Variants in DYSF observed in about 807,000 individuals in gnomAD.
DYSF encodes dysferlin, also known as dystrophy-associated fer-1-like 1.
Under a neutral mutation model 274.9 loss-of-function variants are expected in DYSF, and 212 were observed. That is an observed-to-expected ratio of 0.77 (90% CI 0.69 to 0.86). The LOEUF is 0.86. DYSF is among the 40% of genes least tolerant of loss of function. The probability of loss-of-function intolerance (pLI) is 0.00; values close to 1 mark genes in which losing one functional copy is unlikely to be tolerated. For missense variants in DYSF, 2,666 were observed against 2,783.2 expected, an observed-to-expected ratio of 0.96 and a Z score of 0.95; for synonymous variants, 1,091 against 1,078.7, an observed-to-expected ratio of 1.01 and a Z score of -0.22.
intron 40 of DYSF, among the ~76,000 whole-genome samples, 182 bp downstream of exon 40, chr2:71,613,592 G>T (rs147744494): frequency 3.3e-5 from 5 of 152,214 alleles, no homozygotes; most frequent in Admixed American, 2.0e-4. Context: ...CTGGCTGAGG[G>T]GGGTGGGGTG....
rs184517163 is a variant in DYSF at position 71,493,455 on chromosome 2, A to G, written c.240-9759A>G. ...TGTTCCTCATTTGGGATGTCAGCCT[A>G]AATAACGAACAGAGAAAAAAGATAT... On this transcript the variant is annotated intron_variant, in intron 3 of 55. Transcript: ENST00000410020. Among the ~76,000 whole-genome samples the G allele has an allele frequency of 4.4e-3, 674 of 152,318 alleles. 4 individuals carry two copies. The highest frequency in any genetic ancestry group is 0.015 in the African/African-American group (631 of 41,568).
At chr2:71,662,490 GTGTGTA>G (rs2094901545) in intron 45 of DYSF, among the ~76,000 whole-genome samples, 1 of 142,394 alleles carries the variant, frequency 7.0e-6, no homozygotes, top group Non-Finnish European at 1.5e-5. Context: ...GTATGTATTT[GTGTGTA>G]TGTGTGTGTA....
upstream of DYSF, among the ~76,000 whole-genome samples, chr2:71,465,376 C>G (rs1423398682): frequency 6.6e-6 from 1 of 152,152 alleles, no homozygotes; most frequent in Non-Finnish European, 1.5e-5. Flanking sequence ...AAGAAGTTCT[C>G]TGCTCCGTAA....
At chr2:71,477,872 C>G (rs2082521539) in intron 1 of DYSF, among the ~76,000 whole-genome samples, 1 of 152,114 alleles carries the variant, frequency 6.6e-6, no homozygotes, top group African/African-American at 2.4e-5. Context: ...TTAAAATAGG[C>G]CTCCCTTTCC....
rs368724695 is a variant in DYSF, at chr2:71,526,360, G to A, written c.1276+14G>A. ...ACTTGCCGCAGAGTGCGTGGGGCGC[G>A]CCCTTGGGTGGGAGGTCTGCAGGAG... On this transcript the variant is annotated intron_variant, in intron 13 of 55. Transcript: ENST00000410020. 60 of 1,555,168 alleles carry A rather than the reference G, an allele frequency of 3.9e-5. No homozygotes were observed. Among genetic ancestry groups the A allele is most frequent in the African/African-American group, 1.5e-4 (11 of 72,768 alleles).
intron 4 of DYSF, among the ~76,000 whole-genome samples, chr2:71,508,347 C>G (rs61616866): frequency 6.6e-6 from 1 of 152,126 alleles, no homozygotes; most frequent in Non-Finnish European, 1.5e-5. Context: ...ACAGCACTCT[C>G]GTCTAATCCC....
chr2:71,626,243 T>G (rs1008674384), intron 41 of DYSF, among the ~76,000 whole-genome samples: 3 of 151,896 alleles, frequency 2.0e-5, no homozygotes, highest in Non-Finnish European at 2.9e-5. Flanking sequence ...GTTTTTATGT[T>G]TTACCACTGA....
chr2:71,485,888 A>G (rs2083319272), intron 3 of DYSF, among the ~76,000 whole-genome samples: 2 of 152,130 alleles, frequency 1.3e-5, no homozygotes, highest in East Asian at 1.9e-4. Context: ...TTCTTGGCTC[A>G]CTGCAACCTC....
chr2:71,637,059 A>G (rs1330079782), intron 41 of DYSF, among the ~76,000 whole-genome samples: 2 of 152,202 alleles, frequency 1.3e-5, no homozygotes, highest in Non-Finnish European at 2.9e-5. Flanking sequence ...ATTAGAGACA[A>G]TAAGTGTGGA....
At chr2:71,477,212 C>T (rs2082461978) in intron 1 of DYSF, among the ~76,000 whole-genome samples, 1 of 151,946 alleles carries the variant, frequency 6.6e-6, no homozygotes, top group South Asian at 2.1e-4. Flanking sequence ...GGGAAAGTGA[C>T]AGGAGGGTTT....
rs1358393952 is a variant in DYSF at position 71,569,800 on chromosome 2, T to G, written c.2865-20T>G. On this transcript the variant is annotated intron_variant, in intron 26 of 55. Coordinates refer to ENST00000410020, the MANE Select transcript of DYSF (RefSeq NM_001130987.2). ...CTCTCCAGCAGAGCAGCAGAGACTCTGACCAGCCCTCCTCCACAGTCTGCT... is the reference window on the plus strand; with the variant it reads ...CTCTCCAGCAGAGCAGCAGAGACTCGGACCAGCCCTCCTCCACAGTCTGCT... 9.3e-6 allele frequency: 15 copies of G among 1,607,622 alleles called. No homozygotes were observed. Among genetic ancestry groups the G allele is most frequent in the Non-Finnish European group, 1.3e-5 (15 of 1,175,192 alleles).
chr2:71,490,723 T>C (rs1449654097), intron 3 of DYSF, among the ~76,000 whole-genome samples: 1 of 152,256 alleles, frequency 6.6e-6, no homozygotes, highest in Non-Finnish European at 1.5e-5. Context: ...AATTATGCTA[T>C]ATGTATTGGT....
intron 42 of DYSF, among the ~76,000 whole-genome samples, chr2:71,652,165 T>G (rs2094676215): frequency 1.3e-5 from 2 of 152,312 alleles, no homozygotes; most frequent in South Asian, 4.1e-4. Flanking sequence ...ACTCTGTGAC[T>G]CAATATAGGT....
At chr2:71,682,163 G>A (rs1169368537) in intron 54 of DYSF, among the ~76,000 whole-genome samples, 1 of 152,042 alleles carries the variant, frequency 6.6e-6, no homozygotes, top group Non-Finnish European at 1.5e-5. Context: ...CGGTGGGCTG[G>A]AGAGCACTTT....
intron 32 of DYSF, among the ~76,000 whole-genome samples, chr2:71,593,058 T>G (rs1337687925): frequency 1.3e-5 from 2 of 152,100 alleles, no homozygotes; most frequent in Non-Finnish European, 2.9e-5. Flanking sequence ...TGTGTGTTTA[T>G]TAATGTGTGT....
chr2:71,553,747 ACC>A, intron 20 of DYSF, 58 bp from the exon 21 acceptor site: 1 of 872,682 alleles, frequency 1.1e-6, no homozygotes. Context: ...CACTCTTAGC[ACC>A]CCATCCCACC....
intron 40 of DYSF, among the ~76,000 whole-genome samples, chr2:71,618,395 G>T (rs2093982215): frequency 8.1e-6 from 1 of 123,432 alleles, no homozygotes; most frequent in Non-Finnish European, 1.8e-5. Flanking sequence ...GGTGGTGTGT[G>T]TGTGTGTGGT....
At chr2:71,570,554 G>T (rs771489612) in intron 28 of DYSF, 45 bp from the exon 29 acceptor site, 2 of 1,607,538 alleles carry the variant, frequency 1.2e-6, no homozygotes, top group African/African-American at 2.7e-5. Flanking sequence ...CAGGAGAGAT[G>T]GGGGGAACTG....
At position 71,665,241 on chromosome 2, in the gene DYSF, G is replaced by T; in HGVS notation, c.5254G>T (p.Ala1752Ser). The T allele has an allele frequency of 6.2e-7, 1 of 1,614,164 alleles. No individual in the cohort carries two copies. The highest frequency in any genetic ancestry group is 8.5e-7 in the Non-Finnish European group (1 of 1,180,026). The change falls in exon 47 of 56, where the codon GCA (alanine) becomes TCA (serine). Residue 1752 changes from alanine to serine, a missense_variant. Around this residue, in one of 3 missense-constraint regions of DYSF, gnomAD observed 1,460 missense variants for 1,502.1 expected, o/e 0.97. Transcript: ENST00000410020. ...CTTCTGCCAGCAGCATAGAGTCAAG[G>T]CACCTGTGTACCGGACAGACCGTGT... is the stretch of plus-strand genomic sequence containing the variant. The part of the protein sequence containing the change: ...HLFCQQHRVK[A>S]PVYRTDRVMF...
Sources: gnomAD v4.1 joint callset for allele counts (sites outside exome capture counted in the v4.1 genomes callset) on GRCh38, gnomAD v4.1.1 for gene constraint, gnomAD v4.1.1 regional missense constraint, MANE v1.5 for transcripts, NCBI Gene and HGNC (gene_info 2026-07-23, HGNC 2026-07-21) for gene names.